Variants in PDE4D observed in about 807,000 individuals in gnomAD.
PDE4D encodes 3',5'-cyclic-AMP phosphodiesterase 4D.
Under a neutral mutation model 87.4 loss-of-function variants are expected in PDE4D, and 24 were observed. The observed-to-expected ratio is 0.27, with a 90% CI of 0.20 to 0.39. The LOEUF (loss-of-function observed/expected upper bound fraction) is 0.39, where lower values mean the gene tolerates loss of function less well. Among genes scored for constraint, PDE4D ranks in the 10% least tolerant of loss-of-function variants. The pLI is 1.00. For missense variants in PDE4D, 714 were observed against 1,041.0 expected, an observed-to-expected ratio of 0.69 and a Z score of 4.32; for synonymous variants, 384 against 383.2, an observed-to-expected ratio of 1.00 and a Z score of -0.02.
chr5:59,158,557 G>C (rs928016985), intron 5 of PDE4D, among the ~76,000 whole-genome samples: 1 of 152,180 alleles, frequency 6.6e-6, no homozygotes, highest in African/African-American at 2.4e-5. Flanking sequence ...ATTGGAAAAA[G>C]TGGAATTCAC....
At chr5:59,786,781 C>G (rs1765223765) in intron 1 of PDE4D, among the ~76,000 whole-genome samples, 2 of 152,088 alleles carry the variant, frequency 1.3e-5, no homozygotes, top group Non-Finnish European at 2.9e-5. Context: ...TGGTGAGATG[C>G]TTTTTCATAG....
intron 2 of PDE4D, among the ~76,000 whole-genome samples, chr5:60,059,040 A>ATGTGTGTGTGTGTGTGTGTGTGTGTG (rs70975363): frequency 1.1e-4 from 16 of 142,424 alleles, no homozygotes; most frequent in Middle Eastern, 3.6e-3. Flanking sequence ...GCATTGTCAT[A>ATGTGTGTGTGTGTGTGTGTGTGTGTG]TGTGTGTGTG....
At chr5:60,353,015 G>T (rs1208118735) in intron 1 of PDE4D, among the ~76,000 whole-genome samples, 1 of 152,152 alleles carries the variant, frequency 6.6e-6, no homozygotes, top group Non-Finnish European at 1.5e-5. Flanking sequence ...ATTTTAAGAA[G>T]AAAAACATTT....
At chr5:59,083,242 T>C (rs1767083114) in intron 5 of PDE4D, among the ~76,000 whole-genome samples, 1 of 146,128 alleles carries the variant, frequency 6.8e-6, no homozygotes. Flanking sequence ...TGAAAGATCC[T>C]TTTTTTTTGT....
rs74668009 is a variant in PDE4D, at chr5:59,229,115, T to C, written c.456-13147A>G. On this transcript the variant is annotated intron_variant, in intron 1 of 14. Coordinates refer to ENST00000340635, the MANE Select transcript of PDE4D (RefSeq NM_001104631.2). ...TTATTTTATCATCTTACTCACCCCA[T>C]TAGAATATAAGCTCCACAAGTGCAG... 1.9e-3 allele frequency among the ~76,000 whole-genome samples: 290 copies of C among 152,224 alleles called. 4 individuals are homozygous for C. Among genetic ancestry groups the C allele is most frequent in the African/African-American group, 6.6e-3 (273 of 41,526 alleles).
intron 5 of PDE4D, among the ~76,000 whole-genome samples, chr5:59,043,021 C>T (rs1759951583): frequency 6.6e-6 from 1 of 152,094 alleles, no homozygotes; most frequent in African/African-American, 2.4e-5. Flanking sequence ...TGATGTTGAC[C>T]ATTGAGGTAA....
intron 1 of PDE4D, among the ~76,000 whole-genome samples, chr5:59,234,228 T>C (rs1459927319): frequency 6.6e-6 from 1 of 152,212 alleles, no homozygotes; most frequent in Admixed American, 6.5e-5. Context: ...TTTGTGCCAC[T>C]TCATCTATTT....
intron 1 of PDE4D, among the ~76,000 whole-genome samples, chr5:59,761,200 A>G (rs920409678): frequency 6.6e-6 from 1 of 152,144 alleles, no homozygotes; most frequent in African/African-American, 2.4e-5. Context: ...ATAAAAAATG[A>G]TATACCTGTA....
chr5:59,476,286 T>C (rs112383395), intron 1 of PDE4D, among the ~76,000 whole-genome samples: 1,742 of 152,156 alleles, frequency 0.011, 19 homozygotes, highest in Non-Finnish European at 0.019. Context: ...ACCAGGGACT[T>C]CTGGGAGAAT....
At chr5:59,768,789 T>G in intron 1 of PDE4D, 1 of 621,632 alleles carries the variant, frequency 1.6e-6, no homozygotes, top group Non-Finnish European at 2.6e-6. Context: ...AGCACCGCGC[T>G]CGCACGGCTT....
intron 3 of PDE4D, among the ~76,000 whole-genome samples, chr5:59,938,113 T>C (rs1347657630): frequency 3.9e-5 from 6 of 152,162 alleles, no homozygotes; most frequent in East Asian, 3.8e-4. Context: ...TGGGAGAAAA[T>C]AGGCTAAATT....
At chr5:60,500,963 G>C (rs567711447) in intron 1 of PDE4D, among the ~76,000 whole-genome samples, 2 of 151,944 alleles carry the variant, frequency 1.3e-5, no homozygotes, top group South Asian at 4.2e-4. Context: ...CAGCCACTAT[G>C]ATACCAGAGC....
intron 2 of PDE4D, among the ~76,000 whole-genome samples, chr5:60,104,261 G>A (rs1411970028): frequency 1.3e-5 from 2 of 152,226 alleles, no homozygotes; most frequent in African/African-American, 4.8e-5. Flanking sequence ...CTGATTGCTA[G>A]CACAGCAGTC....
At chr5:59,068,465 G>T (rs1764258824) in intron 5 of PDE4D, among the ~76,000 whole-genome samples, 1 of 152,114 alleles carries the variant, frequency 6.6e-6, no homozygotes, top group Admixed American at 6.6e-5. Flanking sequence ...ACAGATGCTG[G>T]ATTCAGTGAT....
At chr5:59,013,181 C>A (rs1214053633) in intron 6 of PDE4D, among the ~76,000 whole-genome samples, 1 of 152,052 alleles carries the variant, frequency 6.6e-6, no homozygotes, top group Non-Finnish European at 1.5e-5. Context: ...GCACTAAGTG[C>A]CCACAAGAGA....
intron 1 of PDE4D, among the ~76,000 whole-genome samples, chr5:59,688,014 G>T (rs1027878829): frequency 6.6e-6 from 1 of 152,258 alleles, no homozygotes; most frequent in African/African-American, 2.4e-5. Context: ...AACAAGAAGA[G>T]CTAACTATCC....
At chr5:60,178,415 C>T (rs1035204513) in intron 2 of PDE4D, among the ~76,000 whole-genome samples, 1 of 152,120 alleles carries the variant, frequency 6.6e-6, no homozygotes, top group Non-Finnish European at 1.5e-5. Context: ...TGTTCTGAAT[C>T]CCTGCATGAG....
In PDE4D at chr5:59,075,461, C is replaced by A. The variant is rs72772204; in HGVS notation, c.809-36490G>T. On this transcript the variant is annotated intron_variant, in intron 5 of 14. Transcript: ENST00000340635. ...TGGTTCCTTTCAAGTAGAAAAGTTT[C>A]TTTTAAATACTTCAAATCATTGGTA... 5.3e-3 allele frequency among the ~76,000 whole-genome samples: 800 copies of A among 151,792 alleles called. 4 individuals are homozygous for A. Among genetic ancestry groups the A allele is most frequent in the Non-Finnish European group, 7.3e-3 (494 of 67,898 alleles).
chr5:59,928,532 T>A (rs192916047), intron 3 of PDE4D, among the ~76,000 whole-genome samples: 15 of 152,086 alleles, frequency 9.9e-5, no homozygotes, highest in African/African-American at 3.6e-4. Context: ...GAGCCGAGAT[T>A]GTGCCTCTGC....
Sources: gnomAD v4.1 joint callset for allele counts (sites outside exome capture counted in the v4.1 genomes callset) on GRCh38, gnomAD v4.1.1 for gene constraint, MANE v1.5 for transcripts, NCBI Gene and HGNC (gene_info 2026-07-23, HGNC 2026-07-21) for gene names.